GTF3C3: variants seen among roughly 807,000 people sequenced by gnomAD.
The protein encoded by GTF3C3 is general transcription factor 3C polypeptide 3.
In GTF3C3, 75 loss-of-function variants were observed where a neutral mutation model predicts 105.2. The observed-to-expected ratio is 0.71, with a 90% CI of 0.59 to 0.86. The LOEUF (loss-of-function observed/expected upper bound fraction) is 0.86, where lower values mean the gene tolerates loss of function less well. GTF3C3 is among the 40% of genes least tolerant of loss of function. The pLI is 0.00. For synonymous variants in GTF3C3, 335 were observed against 370.4 expected (o/e 0.90, Z 1.10); for missense variants, 856 against 1,076.5 (o/e 0.80, Z 2.87).
chr2:196,780,752 A>C, intron 8 of GTF3C3, 90 bp from the exon 9 acceptor site: 2 of 1,459,560 alleles, frequency 1.4e-6, no homozygotes, highest in Non-Finnish European at 1.8e-6. Context: ...CATTCAAAGC[A>C]AATGATTCCA....
In GTF3C3 at chr2:196,786,038, G is replaced by A. The variant is rs966988868; in HGVS notation, c.894-450C>T. 1.3e-5 allele frequency among the ~76,000 whole-genome samples: 2 copies of A among 152,182 alleles called. No homozygotes were observed. The highest frequency in any genetic ancestry group is 3.4e-3 in the Middle Eastern group (1 of 294). On this transcript the variant is annotated intron_variant, in intron 6 of 17. Coordinates refer to ENST00000263956, the MANE Select transcript of GTF3C3 (RefSeq NM_012086.5). The surrounding 1 kb of genome is among the most constrained non-coding windows in gnomAD (Gnocchi z 4.2). Reference sequence around the variant, plus strand: ...ATCACTCAATAAAACTCCAAGCCTGGTTAAAATCCAACTATATCTACTCTT... The same window carrying A: ...ATCACTCAATAAAACTCCAAGCCTGATTAAAATCCAACTATATCTACTCTT...
intron 6 of GTF3C3, among the ~76,000 whole-genome samples, chr2:196,787,458 G>A (rs1699471278): frequency 6.6e-6 from 1 of 152,086 alleles, no homozygotes; most frequent in African/African-American, 2.4e-5. Context: ...TCTCTGCACT[G>A]CTCCCCTTAA....
chr2:196,798,539 A>G (rs529249607), intron 1 of GTF3C3, among the ~76,000 whole-genome samples: 1 of 151,936 alleles, frequency 6.6e-6, no homozygotes, highest in South Asian at 2.1e-4. Flanking sequence ...AAAATAAAAT[A>G]AAATAAATAA....
chr2:196,792,648 A>C (rs1699570030), intron 3 of GTF3C3, among the ~76,000 whole-genome samples: 1 of 151,928 alleles, frequency 6.6e-6, no homozygotes, highest in Admixed American at 6.6e-5. Flanking sequence ...TACTGTATTT[A>C]ATTTTTTGAG....
In GTF3C3 at chr2:196,785,451, T is replaced by C. The variant is rs374482706; in HGVS notation, c.1031A>G (p.Lys344Arg). ...CATAAGCATTCCTACCTCCAAAGCT[T>C]TGTCATACTGTTTGTTAGAAATATA... ...ELYISNKQYD[K>R]ALEIITDFSG... Residue 344 changes from lysine to arginine, a missense_variant, in exon 7 of 18, where the codon AAA (lysine) becomes AGA (arginine). Coordinates refer to ENST00000263956, the MANE Select transcript of GTF3C3 (RefSeq NM_012086.5). 6 of 1,602,664 alleles carry C rather than the reference T, an allele frequency of 3.7e-6. No individual in the cohort carries two copies. The East Asian group carries it at 1.3e-4, about 36-fold the overall frequency.
intron 4 of GTF3C3, 100 bp downstream of exon 4, chr2:196,791,237 T>A: frequency 8.7e-7 from 1 of 1,145,212 alleles, no homozygotes; most frequent in East Asian, 2.4e-5. Flanking sequence ...CCCTTAAGCT[T>A]CTGAACATAT....
chr2:196,763,721 A>G lies in GTF3C3; in HGVS notation c.*842T>C, dbSNP rs559917580. On this transcript the variant is annotated 3_prime_UTR_variant, in exon 18 of 18. Coordinates refer to ENST00000263956, the MANE Select transcript of GTF3C3 (RefSeq NM_012086.5). ...AAAAAGTTGTTATTAAGCTAACAGT[A>G]TATCATCTAAAAAGTACTGTTAACT... 1 of 152,368 alleles carries G rather than the reference A, an allele frequency of 6.6e-6. No individual in the cohort carries two copies. Among genetic ancestry groups the G allele is most frequent in the Non-Finnish European group, 1.5e-5 (1 of 68,038 alleles). The allele number at this position is 152,368 out of a possible 1,614,324, so 9.4% of individuals were successfully genotyped here.
chr2:196,779,146 G>A, intron 9 of GTF3C3, 79 bp from the exon 10 acceptor site: 1 of 970,312 alleles, frequency 1.0e-6, no homozygotes, highest in Non-Finnish European at 1.5e-6. Context: ...TTTTTTTTTT[G>A]AGATGAAGTC....
chr2:196,773,017 G>T lies in GTF3C3; in HGVS notation c.1968C>A (p.Tyr656Ter). Reference protein sequence around the residue: ...ELLVDSSLEYYSFYDDRQKRK... With the variant: ...ELLVDSSLEY ...GTTTTTGCCTGTCATCATAAAATGAGTAATATTCCAATGAGGAATCTACAA... is the reference window on the plus strand; with the variant it reads ...GTTTTTGCCTGTCATCATAAAATGATTAATATTCCAATGAGGAATCTACAA... Residue 656 changes from tyrosine to a stop codon, truncating the protein, a stop_gained, in exon 14 of 18, where the codon TAC becomes TAA. Transcript: ENST00000263956. LOFTEE classifies it high-confidence loss of function. 6.2e-7 allele frequency: 1 copy of T among 1,612,194 alleles called. No homozygotes were observed. The highest frequency in any genetic ancestry group is 8.5e-7 in the Non-Finnish European group (1 of 1,178,366).
At chr2:196,781,928 T>TC (rs1287205119) in intron 8 of GTF3C3, among the ~76,000 whole-genome samples, 1 of 152,218 alleles carries the variant, frequency 6.6e-6, no homozygotes, top group East Asian at 1.9e-4. Context: ...GAGTAAGGAC[T>TC]AAACACAATG....
Position 196,773,155 on chromosome 2 carries a change from T to TA in GTF3C3, c.1832-3dup, listed in dbSNP as rs1390492676. Reference sequence around the variant, plus strand: ...CGCTTGTGAGCACAGCAAATATTGCTAAAATGAGACCAATGAAAACCAGTT... The same window carrying TA: ...CGCTTGTGAGCACAGCAAATATTGCTAAAAATGAGACCAATGAAAACCAGTT... On this transcript the variant is annotated splice_polypyrimidine_tract_variant and splice_region_variant and intron_variant, in intron 13 of 17. Transcript: ENST00000263956. 6.4e-7 allele frequency: 1 copy of TA among 1,552,546 alleles called. No individual in the cohort carries two copies.
chr2:196,789,110 C>T, intron 6 of GTF3C3, 94 bp downstream of exon 6: 1 of 1,089,738 alleles, frequency 9.2e-7, no homozygotes, highest in South Asian at 1.6e-5. Flanking sequence ...ACTTCTTGAA[C>T]TTCAATGAAA....
intron 17 of GTF3C3, 150 bp from the exon 18 acceptor site, chr2:196,764,835 ACCTTGGATC>A (rs1427066808): frequency 3.4e-5 from 18 of 536,078 alleles, no homozygotes; most frequent in Non-Finnish European, 5.8e-5. Flanking sequence ...CTATGCATAT[ACCTTGGATC>A]AATGCTGATT....
intron 1 of GTF3C3, 109 bp from the exon 2 acceptor site, chr2:196,798,017 A>T (rs144015913): frequency 8.6e-6 from 6 of 694,034 alleles, no homozygotes; most frequent in Middle Eastern, 2.4e-4. Flanking sequence ...GCATTTTGTG[A>T]CCATGGGTTG....
intron 9 of GTF3C3, 134 bp downstream of exon 9, chr2:196,780,425 T>C: frequency 7.6e-7 from 1 of 1,319,938 alleles, no homozygotes; most frequent in Non-Finnish European, 9.8e-7. Flanking sequence ...ACAAAATTAT[T>C]TGATGCTTAT....
Position 196,773,025 on chromosome 2 carries a change from C to T in GTF3C3, c.1960G>A (p.Glu654Lys). Reference protein sequence around the residue: ...EAELLVDSSLEYYSFYDDRQK... With the variant: ...EAELLVDSSLKYYSFYDDRQK... ...CTGTCATCATAAAATGAGTAATATT[C>T]CAATGAGGAATCTACAAGCAACTCA... is the stretch of plus-strand genomic sequence containing the variant. The change falls in exon 14 of 18, where the codon GAA becomes AAA. Residue 654 changes from glutamate to lysine, a missense_variant. This residue lies in a region of GTF3C3 where 605 missense variants were observed against 833.6 expected (regional missense o/e 0.73). Coordinates refer to ENST00000263956, the MANE Select transcript of GTF3C3 (RefSeq NM_012086.5). 1 of 1,612,242 alleles carries T rather than the reference C, an allele frequency of 6.2e-7. No homozygotes were observed. Among genetic ancestry groups the T allele is most frequent in the Non-Finnish European group, 8.5e-7 (1 of 1,178,422 alleles).
chr2:196,782,837 G>C (rs1177724195), intron 8 of GTF3C3, among the ~76,000 whole-genome samples: 2 of 152,142 alleles, frequency 1.3e-5, no homozygotes, highest in Non-Finnish European at 2.9e-5. Context: ...ATGGCAACTT[G>C]ACAATGCTAA....
chr2:196,766,406 C>T (rs1309950775), intron 17 of GTF3C3, among the ~76,000 whole-genome samples, 159 bp downstream of exon 17: 1 of 152,116 alleles, frequency 6.6e-6, no homozygotes, highest in African/African-American at 2.4e-5. Context: ...GCTCAGATGT[C>T]GAAGTGGTAC....
intron 17 of GTF3C3, 63 bp from the exon 18 acceptor site, chr2:196,764,748 G>A (rs1348002806): frequency 3.5e-6 from 5 of 1,417,350 alleles, no homozygotes; most frequent in Non-Finnish European, 4.9e-6. Flanking sequence ...CAATTTTATG[G>A]CAAATTAATA....
Sources: gnomAD v4.1 joint callset for allele counts (sites outside exome capture counted in the v4.1 genomes callset) on GRCh38, gnomAD v4.1.1 for gene constraint, gnomAD v4.1.1 regional missense constraint, Gnocchi (gnomAD v3.1) non-coding constraint, MANE v1.5 for transcripts, NCBI Gene and HGNC (gene_info 2026-07-23, HGNC 2026-07-21) for gene names.